Variants in TSNAX observed in about 807,000 individuals in gnomAD.
The protein encoded by TSNAX is translin-associated protein X.
TSNAX carries 12 observed loss-of-function variants against 33.0 expected under a neutral mutation model. That is an observed-to-expected ratio of 0.36 (90% confidence interval 0.23 to 0.59). The LOEUF (loss-of-function observed/expected upper bound fraction) is 0.59. TSNAX is among the 20% of genes least tolerant of loss of function. The pLI is 0.74. For synonymous variants in TSNAX, 110 were observed against 117.2 expected (o/e 0.94, Z 0.40); for missense variants, 267 against 341.3 (o/e 0.78, Z 1.72).
intron 4 of TSNAX, among the ~76,000 whole-genome samples, chr1:231,552,807 AT>A (rs1439314137): frequency 5.9e-5 from 9 of 152,054 alleles, no homozygotes; most frequent in Admixed American, 5.9e-4. Flanking sequence ...CTCTATGGTA[AT>A]TTGTCTATTC....
intron 4 of TSNAX, among the ~76,000 whole-genome samples, chr1:231,543,639 C>T (rs1051907309): frequency 2.0e-5 from 3 of 152,056 alleles, no homozygotes; most frequent in African/African-American, 4.8e-5. Flanking sequence ...TTAGCCTAAA[C>T]GTTTATAATT....
chr1:231,533,039 G>T (rs1197881897), intron 2 of TSNAX, among the ~76,000 whole-genome samples: 1 of 151,396 alleles, frequency 6.6e-6, no homozygotes, highest in African/African-American at 2.4e-5. Flanking sequence ...TCTGTCAGAG[G>T]AGATTTTAAA....
intron 4 of TSNAX, among the ~76,000 whole-genome samples, chr1:231,554,443 G>T (rs911336304): frequency 6.6e-6 from 1 of 152,170 alleles, no homozygotes; most frequent in Non-Finnish European, 1.5e-5. Flanking sequence ...GAGCAAAGTC[G>T]TCTGGGCATT....
chr1:231,559,317 T>TTTGTTGTTGTTGTTG (rs71179786), intron 4 of TSNAX, among the ~76,000 whole-genome samples: 13 of 151,212 alleles, frequency 8.6e-5, no homozygotes, highest in African/African-American at 1.2e-4. Flanking sequence ...TAGAATATAG[T>TTTGTTGTTGTTGTTG]TTGTTGTTGT....
In TSNAX at chr1:231,564,895, G is replaced by A; in HGVS notation, c.863G>A (p.Gly288Asp). 1 of 1,612,928 alleles carries A rather than the reference G, an allele frequency of 6.2e-7. No homozygotes were observed. Among genetic ancestry groups the A allele is most frequent in the Non-Finnish European group, 8.5e-7 (1 of 1,179,176 alleles). ...VKTEMIDQEE[G>D]IS ...ACAGAAATGATAGATCAAGAAGAGG[G>A]CATTTCTTAGAATCTAACGTTACTC... Residue 288 changes from glycine to aspartate, a missense_variant, in exon 6 of 6, where the codon GGC (glycine) becomes GAC (aspartate). By Grantham distance (94) the Gly-to-Asp change is moderately conservative (BLOSUM62 -1). Around this residue, in one of 2 missense-constraint regions of TSNAX, gnomAD observed 67 missense variants for 127.2 expected, o/e 0.53. Coordinates refer to ENST00000366639, the MANE Select transcript of TSNAX (RefSeq NM_005999.3).
At chr1:231,544,631 GCC>G (rs1659788765) in intron 4 of TSNAX, among the ~76,000 whole-genome samples, 1 of 152,144 alleles carries the variant, frequency 6.6e-6, no homozygotes, top group Non-Finnish European at 1.5e-5. Flanking sequence ...GCTGTATTTG[GCC>G]CAGTAGTTCT....
At chr1:231,543,918 A>G (rs1484555568) in intron 4 of TSNAX, among the ~76,000 whole-genome samples, 1 of 152,238 alleles carries the variant, frequency 6.6e-6, no homozygotes, top group African/African-American at 2.4e-5. Flanking sequence ...CACAACCTGT[A>G]AAGTGTGACA....
chr1:231,532,520 C>G (rs1484371845), intron 2 of TSNAX, among the ~76,000 whole-genome samples: 2 of 151,552 alleles, frequency 1.3e-5, no homozygotes, highest in African/African-American at 4.9e-5. Flanking sequence ...CAGTTATACC[C>G]CAGTAAAGGT....
intron 4 of TSNAX, among the ~76,000 whole-genome samples, chr1:231,558,554 A>G (rs961465398): frequency 1.3e-5 from 2 of 152,164 alleles, no homozygotes; most frequent in African/African-American, 4.8e-5. Context: ...AAACATCCTT[A>G]TATGTAAATC....
chr1:231,544,605 G>C (rs201320141), intron 4 of TSNAX, among the ~76,000 whole-genome samples: 2 of 152,298 alleles, frequency 1.3e-5, no homozygotes, highest in Middle Eastern at 6.8e-3. Context: ...TGGGACATAT[G>C]GGACATTTCA....
At chr1:231,529,403 A>C in intron 2 of TSNAX, 44 bp downstream of exon 2, 1 of 1,585,090 alleles carries the variant, frequency 6.3e-7, no homozygotes, top group South Asian at 1.1e-5. Context: ...AGAGAACAAA[A>C]TTATTTAGCC....
chr1:231,536,294 A>G (rs1046259419), intron 2 of TSNAX: 14 of 152,186 alleles, frequency 9.2e-5, no homozygotes, highest in Non-Finnish European at 2.1e-4. Context: ...GAAGTATATT[A>G]TGCTTATGTA....
intron 4 of TSNAX, 134 bp downstream of exon 4, chr1:231,542,745 GTAA>G: frequency 9.2e-7 from 1 of 1,092,616 alleles, no homozygotes; most frequent in South Asian, 1.7e-5. Flanking sequence ...CAACTTTGTA[GTAA>G]TATAGAAGTA....
chr1:231,562,938 A>G (rs996360513), intron 5 of TSNAX, among the ~76,000 whole-genome samples: 2 of 152,190 alleles, frequency 1.3e-5, no homozygotes, highest in Non-Finnish European at 2.9e-5. Flanking sequence ...CCATAGCTCA[A>G]CGTCATATTA....
intron 4 of TSNAX, among the ~76,000 whole-genome samples, chr1:231,545,750 A>G (rs200508196): frequency 2.8e-4 from 42 of 152,340 alleles, no homozygotes; most frequent in Admixed American, 9.8e-4. Context: ...AAGAATGTGA[A>G]TGATGGGTAA....
intron 4 of TSNAX, among the ~76,000 whole-genome samples, chr1:231,544,139 G>A (rs1160540440): frequency 1.3e-5 from 2 of 152,194 alleles, no homozygotes; most frequent in Non-Finnish European, 2.9e-5. Flanking sequence ...GAGGGCTACT[G>A]GGTGGTAGTG....
intron 5 of TSNAX, 109 bp from the exon 6 acceptor site, chr1:231,564,419 T>C: frequency 2.0e-6 from 3 of 1,484,738 alleles, no homozygotes; most frequent in South Asian, 1.5e-5. Flanking sequence ...TTGCTATTGA[T>C]TTTGTACTTC....
chr1:231,533,378 GGC>G (rs1381711173), intron 2 of TSNAX, among the ~76,000 whole-genome samples: 1 of 152,192 alleles, frequency 6.6e-6, no homozygotes, highest in African/African-American at 2.4e-5. Flanking sequence ...TGGGATTATA[GGC>G]GTGAGCCATC....
intron 5 of TSNAX, among the ~76,000 whole-genome samples, chr1:231,561,846 C>T (rs1031685346): frequency 6.6e-6 from 1 of 152,114 alleles, no homozygotes; most frequent in African/African-American, 2.4e-5. Flanking sequence ...ACAGCAGCAC[C>T]TGACACGTAA....
Sources: gnomAD v4.1 joint callset for allele counts (sites outside exome capture counted in the v4.1 genomes callset) on GRCh38, gnomAD v4.1.1 for gene constraint, gnomAD v4.1.1 regional missense constraint, MANE v1.5 for transcripts, NCBI Gene and HGNC (gene_info 2026-07-23, HGNC 2026-07-21) for gene names.